The following SH3PXD2A variants were observed in gnomAD, a reference collection of about 807,000 sequenced individuals.
SH3PXD2A encodes the protein SH3 and PX domains 2A, also known as SH3 and PX domain-containing protein 2A.
A neutral mutation model predicts 115.2 loss-of-function variants in SH3PXD2A; 32 were observed. That is an observed-to-expected ratio of 0.28 (90% CI 0.21 to 0.37). The LOEUF is 0.37. SH3PXD2A is among the 10% of genes least tolerant of loss of function. The probability of loss-of-function intolerance (pLI) is 1.00; values close to 1 mark genes in which losing one functional copy is unlikely to be tolerated. For synonymous variants in SH3PXD2A, 610 were observed against 629.1 expected (o/e 0.97, Z 0.45); for missense variants, 1,328 against 1,498.7 (o/e 0.89, Z 1.88).
intron 2 of SH3PXD2A, among the ~76,000 whole-genome samples, chr10:103,768,660 A>G (rs1321473574): frequency 6.6e-6 from 1 of 152,198 alleles, no homozygotes; most frequent in Non-Finnish European, 1.5e-5. Context: ...GGAATGGACC[A>G]CAGGGTGGAA....
At chr10:103,697,362 T>C (rs1419775995) in intron 5 of SH3PXD2A, among the ~76,000 whole-genome samples, 1 of 152,198 alleles carries the variant, frequency 6.6e-6, no homozygotes, top group Non-Finnish European at 1.5e-5. Flanking sequence ...CCTCAGTTGC[T>C]ACACAGGTGG....
At chr10:103,815,590 T>C (rs2039315849) in intron 1 of SH3PXD2A, among the ~76,000 whole-genome samples, 1 of 151,674 alleles carries the variant, frequency 6.6e-6, no homozygotes, top group South Asian at 2.1e-4. Flanking sequence ...CTAAGCCAGA[T>C]ACAGAAAGAA....
At chr10:103,771,778 C>G (rs1212169873) in intron 2 of SH3PXD2A, among the ~76,000 whole-genome samples, 4 of 147,566 alleles carry the variant, frequency 2.7e-5, no homozygotes, top group South Asian at 2.2e-4. Context: ...CACACACACA[C>G]ACAGACACAC....
At chr10:103,622,399 G>T in intron 10 of SH3PXD2A, 71 bp downstream of exon 10, 1 of 1,027,128 alleles carries the variant, frequency 9.7e-7, no homozygotes, top group Non-Finnish European at 1.5e-6. Context: ...GCAGAGCCCG[G>T]AAAGAAAGAG....
At chr10:103,733,052 G>A (rs887130947) in intron 4 of SH3PXD2A, among the ~76,000 whole-genome samples, 1 of 152,100 alleles carries the variant, frequency 6.6e-6, no homozygotes, top group African/African-American at 2.4e-5. Context: ...AGGTCACTCT[G>A]TACTGCCCCA....
intron 5 of SH3PXD2A, among the ~76,000 whole-genome samples, chr10:103,714,458 G>C (rs1025971599): frequency 6.6e-6 from 1 of 152,200 alleles, no homozygotes; most frequent in African/African-American, 2.4e-5. Context: ...AGGCGTGTGC[G>C]CTATGAGCTG....
chr10:103,846,607 C>G (rs1425542078), intron 1 of SH3PXD2A, among the ~76,000 whole-genome samples: 1 of 152,226 alleles, frequency 6.6e-6, no homozygotes, highest in Admixed American at 6.5e-5. Flanking sequence ...GGGCTCAGTG[C>G]TTTCCAAAGC....
intron 8 of SH3PXD2A, among the ~76,000 whole-genome samples, chr10:103,648,484 G>C (rs1225599657): frequency 1.3e-5 from 2 of 152,172 alleles, no homozygotes; most frequent in African/African-American, 2.4e-5. Context: ...TTTCTGGCAG[G>C]GCGGCCCTGG....
At chr10:103,699,602 G>A (rs1024652202) in intron 5 of SH3PXD2A, among the ~76,000 whole-genome samples, 2 of 152,250 alleles carry the variant, frequency 1.3e-5, no homozygotes, top group Admixed American at 1.3e-4. Flanking sequence ...GAGGTCTGGA[G>A]AGTTGGGGTT....
chr10:103,774,947 G>A (rs1211295023), intron 2 of SH3PXD2A, among the ~76,000 whole-genome samples: 1 of 152,190 alleles, frequency 6.6e-6, no homozygotes, highest in Non-Finnish European at 1.5e-5. Flanking sequence ...CGCCTGGAGT[G>A]TTATGCAGAT....
intron 3 of SH3PXD2A, among the ~76,000 whole-genome samples, chr10:103,757,734 C>G (rs937080676): frequency 1.3e-5 from 2 of 152,212 alleles, no homozygotes; most frequent in African/African-American, 4.8e-5. Context: ...GACAGTGACA[C>G]TGCCATGTGA....
intron 2 of SH3PXD2A, among the ~76,000 whole-genome samples, chr10:103,795,124 C>G (rs1292327878): frequency 1.3e-5 from 2 of 152,202 alleles, no homozygotes; most frequent in African/African-American, 2.4e-5. Context: ...TACACAACCA[C>G]TAGCCACGGC....
chr10:103,692,417 C>G (rs1054316948), intron 6 of SH3PXD2A, among the ~76,000 whole-genome samples: 1 of 152,152 alleles, frequency 6.6e-6, no homozygotes, highest in Admixed American at 6.5e-5. Flanking sequence ...TCGGGTCGGC[C>G]CCCTCCCAAG....
intron 1 of SH3PXD2A, among the ~76,000 whole-genome samples, chr10:103,828,122 TTC>T (rs1207050412): frequency 6.6e-6 from 1 of 152,134 alleles, no homozygotes; most frequent in Non-Finnish European, 1.5e-5. Context: ...GATGCTACAG[TTC>T]TCTGTTTTTG....
chr10:103,849,650 G>A (rs955994919), intron 1 of SH3PXD2A, among the ~76,000 whole-genome samples: 11 of 152,202 alleles, frequency 7.2e-5, no homozygotes, highest in Non-Finnish European at 1.0e-4. Context: ...GCAGAAGCCC[G>A]GGCCAGGCAG....
chr10:103,818,327 G>T (rs1252678191), intron 1 of SH3PXD2A, among the ~76,000 whole-genome samples: 2 of 152,154 alleles, frequency 1.3e-5, no homozygotes, highest in African/African-American at 4.8e-5. Flanking sequence ...ATTAATCTTG[G>T]GGAAATGTAT....
Position 103,602,568 on chromosome 10 carries a change from C to T in SH3PXD2A, c.2650G>A (p.Glu884Lys), listed in dbSNP as rs776424440. ...ESGWWYVRFG[E>K]LEGWAPSHYL... ...TGGGAAGGGGCCCAGCCCTCCAGCTCCCCAAACCTCACATACCACCACCCG... is the reference window on the plus strand; with the variant it reads ...TGGGAAGGGGCCCAGCCCTCCAGCTTCCCAAACCTCACATACCACCACCCG... The change falls in exon 15 of 15, where the codon GAG (glutamate) becomes AAG (lysine). Residue 884 changes from glutamate to lysine, a missense_variant. By Grantham distance (56) the Glu-to-Lys change is moderately conservative. This residue lies in a region of SH3PXD2A where 574 missense variants were observed against 565.7 expected (regional missense o/e 1.01). Transcript: ENST00000369774. 6.2e-7 allele frequency: 1 copy of T among 1,614,216 alleles called. No homozygotes were observed. Among genetic ancestry groups the T allele is most frequent in the Non-Finnish European group, 8.5e-7 (1 of 1,180,050 alleles).
intron 2 of SH3PXD2A, among the ~76,000 whole-genome samples, chr10:103,800,743 T>G (rs565075323): frequency 1.1e-3 from 165 of 152,346 alleles, no homozygotes; most frequent in African/African-American, 3.7e-3. Flanking sequence ...CTTGTGAACA[T>G]GCCTTTGTGT....
chr10:103,823,234 G>A (rs576633724), intron 1 of SH3PXD2A, among the ~76,000 whole-genome samples: 1 of 152,338 alleles, frequency 6.6e-6, no homozygotes, highest in Admixed American at 6.5e-5. Flanking sequence ...TGCTGACAGG[G>A]AGAGAGGATG....
Sources: allele counts gnomAD v4.1 joint callset (sites outside exome capture counted in the v4.1 genomes callset), GRCh38; gene constraint gnomAD v4.1.1; regional missense constraint gnomAD v4.1.1; transcripts MANE v1.5; gene names NCBI Gene and HGNC (gene_info 2026-07-23, HGNC 2026-07-21).